Variants in HIVEP1 observed in about 807,000 individuals in gnomAD.
The protein encoded by HIVEP1 is HIVEP zinc finger 1.
A neutral mutation model predicts 180.0 loss-of-function variants in HIVEP1; 36 were observed. The observed-to-expected ratio is 0.20, with a 90% CI of 0.15 to 0.26. HIVEP1 has a LOEUF of 0.26. Among genes scored for constraint, HIVEP1 ranks in the 10% least tolerant of loss-of-function variants. HIVEP1 has a pLI of 1.00. For synonymous variants in HIVEP1, 1,239 were observed against 1,239.0 expected, an observed-to-expected ratio of 1.00 and a Z score of 0.00; for missense variants, 3,143 against 3,268.7, an observed-to-expected ratio of 0.96 and a Z score of 0.94.
At chr6:12,064,690 A>G (rs1771452111) in intron 2 of HIVEP1, among the ~76,000 whole-genome samples, 1 of 152,226 alleles carries the variant, frequency 6.6e-6, no homozygotes, top group East Asian at 1.9e-4. Context: ...GGGAGAGGCT[A>G]CCTTTCCTGA....
At chr6:12,018,636 G>T (rs1012254697) in intron 2 of HIVEP1, among the ~76,000 whole-genome samples, 3 of 152,224 alleles carry the variant, frequency 2.0e-5, no homozygotes, top group Non-Finnish European at 4.4e-5. Flanking sequence ...GCAGTTTGGG[G>T]TGAAGCAGAA....
the HIVEP1 span, among the ~76,000 whole-genome samples, chr6:12,188,665 A>G: frequency 6.6e-6 from 1 of 152,100 alleles, no homozygotes; most frequent in Non-Finnish European, 1.5e-5. Context: ...TAAGATCTAT[A>G]TAAGGTTTTC....
chr6:12,069,085 G>A (rs1771794164), intron 2 of HIVEP1, among the ~76,000 whole-genome samples: 1 of 152,192 alleles, frequency 6.6e-6, no homozygotes, highest in African/African-American at 2.4e-5. Flanking sequence ...TGTGTCGTTA[G>A]GTGATTTCCT....
chr6:12,016,854 T>C (rs1407550769), intron 2 of HIVEP1, among the ~76,000 whole-genome samples: 1 of 152,192 alleles, frequency 6.6e-6, no homozygotes, highest in Non-Finnish European at 1.5e-5. Context: ...TTTGTTACTG[T>C]AGGAAAAGCC....
intron 2 of HIVEP1, among the ~76,000 whole-genome samples, chr6:12,074,652 G>GCA (rs1772230464): frequency 6.6e-6 from 1 of 151,580 alleles, no homozygotes; most frequent in Non-Finnish European, 1.5e-5. Context: ...GTGCGCGCGC[G>GCA]TGCATGTCCT....
Position 12,121,567 on chromosome 6 carries a change from A to G in HIVEP1, c.1772A>G (p.Gln591Arg). The change falls in exon 4 of 9, where the codon CAA (glutamine) becomes CGA (arginine). Residue 591 changes from glutamine to arginine, a missense_variant. Around this residue, in one of 12 missense-constraint regions of HIVEP1, gnomAD observed 365 missense variants for 344.4 expected, o/e 1.06. Transcript: ENST00000379388. The surrounding 1 kb of genome is among the most constrained non-coding windows in gnomAD (Gnocchi z 5.3). The stretch of plus-strand genomic sequence containing the variant: ...CCCAAGCCTGAACTTTCTAGTGCAC[A>G]AAAGCAGAAGGACCTTCAGGTGACA... Reference protein sequence around the residue: ...MDPKPELSSAQKQKDLQVTNV... With the variant: ...MDPKPELSSARKQKDLQVTNV... 6.2e-7 allele frequency: 1 copy of G among 1,614,204 alleles called. No individual in the cohort carries two copies. Among genetic ancestry groups the G allele is most frequent in the Non-Finnish European group, 8.5e-7 (1 of 1,180,032 alleles).
chr6:12,154,588 A>C (rs1490677136), intron 7 of HIVEP1, among the ~76,000 whole-genome samples: 1 of 151,726 alleles, frequency 6.6e-6, no homozygotes, highest in Non-Finnish European at 1.5e-5. Flanking sequence ...ATAGAATTGT[A>C]TGTTCATCAC....
Position 12,122,339 on chromosome 6 carries a change from A to G in HIVEP1, c.2544A>G (p.Ser848=). Residue 848 remains serine, a synonymous_variant, in exon 4 of 9, where the codon TCA becomes TCG. Transcript: ENST00000379388. ...ATTCCATGCCGACCACAGGTTATTC[A>G]GCAGTACCTGCAAATATAATACCTC... ...RSNSMPTTGY[S]AVPANIIPPP... 6.2e-7 allele frequency: 1 copy of G among 1,614,254 alleles called. No individual in the cohort carries two copies. Among genetic ancestry groups the G allele is most frequent in the Non-Finnish European group, 8.5e-7 (1 of 1,180,048 alleles).
the HIVEP1 span, among the ~76,000 whole-genome samples, chr6:12,173,679 C>A: frequency 4.1e-4 from 63 of 152,230 alleles, no homozygotes; most frequent in East Asian, 0.01. Context: ...AGATATTTCA[C>A]GAAGACCAAT....
intron 2 of HIVEP1, among the ~76,000 whole-genome samples, chr6:12,032,930 A>T (rs1343401206): frequency 6.6e-6 from 1 of 152,226 alleles, no homozygotes; most frequent in Non-Finnish European, 1.5e-5. Flanking sequence ...CCAACATTTC[A>T]TAGTGATTTC....
intron 2 of HIVEP1, among the ~76,000 whole-genome samples, chr6:12,043,755 G>A (rs1485735432): frequency 2.0e-5 from 3 of 152,160 alleles, no homozygotes; most frequent in African/African-American, 7.2e-5. Flanking sequence ...AAGTGCAGAA[G>A]TTCTCGTTGA....
intron 3 of HIVEP1, among the ~76,000 whole-genome samples, chr6:12,113,237 G>T (rs1775016518): frequency 6.6e-6 from 1 of 150,728 alleles, no homozygotes; most frequent in African/African-American, 2.4e-5. Flanking sequence ...GGGTGGGGTG[G>T]GCAGGACAGG....
intron 2 of HIVEP1, among the ~76,000 whole-genome samples, chr6:12,052,236 C>T (rs1321193845): frequency 6.6e-6 from 1 of 152,138 alleles, no homozygotes; most frequent in Non-Finnish European, 1.5e-5. Context: ...CTTATATTTA[C>T]TCAACAAGGA....
At chr6:12,147,288 G>T (rs1243313804) in intron 7 of HIVEP1, among the ~76,000 whole-genome samples, 2 of 152,128 alleles carry the variant, frequency 1.3e-5, no homozygotes, top group African/African-American at 4.8e-5. Flanking sequence ...TCTGACACTT[G>T]AAAACTATTA....
chr6:12,018,427 C>T lies in HIVEP1; in HGVS notation c.40+2759C>T, dbSNP rs541072689. The stretch of plus-strand genomic sequence containing the variant: ...CGAGAGCGAGTGAGGGCTGACAGCA[C>T]GGTGTCACCTCTCATTACTACCTTC... On this transcript the variant is annotated intron_variant, in intron 2 of 8. Coordinates refer to ENST00000379388, the MANE Select transcript of HIVEP1 (RefSeq NM_002114.4). Among the ~76,000 whole-genome samples the T allele has an allele frequency of 2.4e-4, 37 of 152,332 alleles. No individual in the cohort carries two copies. In the East Asian group the frequency reaches 5.8e-3, roughly 24 times the overall value.
chr6:12,180,148 G>A, the HIVEP1 span, among the ~76,000 whole-genome samples: 1 of 152,060 alleles, frequency 6.6e-6, no homozygotes, highest in Non-Finnish European at 1.5e-5. Context: ...AATACTATGA[G>A]GTTGGCACTC....
chr6:12,162,534 G>C (rs1293540262), intron 8 of HIVEP1, among the ~76,000 whole-genome samples: 1 of 152,204 alleles, frequency 6.6e-6, no homozygotes, highest in Non-Finnish European at 1.5e-5. Context: ...CGCTCCATGT[G>C]CTGTGAGTGA....
At chr6:12,088,889 C>T (rs1371722842) in intron 2 of HIVEP1, among the ~76,000 whole-genome samples, 1 of 151,994 alleles carries the variant, frequency 6.6e-6, no homozygotes, top group South Asian at 2.1e-4. Flanking sequence ...TTTTTAGATA[C>T]TTTGATTAGA....
chr6:12,154,384 C>A (rs1295672215), intron 7 of HIVEP1, among the ~76,000 whole-genome samples: 1 of 152,184 alleles, frequency 6.6e-6, no homozygotes, highest in Non-Finnish European at 1.5e-5. Context: ...ACCCTCTTTG[C>A]CAAGGTTATC....
Sources: gnomAD v4.1 joint callset for allele counts (sites outside exome capture counted in the v4.1 genomes callset) on GRCh38, gnomAD v4.1.1 for gene constraint, gnomAD v4.1.1 regional missense constraint, Gnocchi (gnomAD v3.1) non-coding constraint, MANE v1.5 for transcripts, NCBI Gene and HGNC (gene_info 2026-07-23, HGNC 2026-07-21) for gene names.